P2RX3: variants seen among roughly 807,000 people sequenced by gnomAD.
P2RX3 encodes purinergic receptor P2X 3, also known as P2X purinoceptor 3.
In P2RX3, 41 loss-of-function variants were observed where a neutral mutation model predicts 51.5. That is an observed-to-expected ratio of 0.80 (90% CI 0.62 to 1.03). The LOEUF (loss-of-function observed/expected upper bound fraction) is 1.03, where lower values mean the gene tolerates loss of function less well. P2RX3 is among the 50% of genes least tolerant of loss of function. The pLI, the probability that P2RX3 is intolerant of heterozygous loss-of-function variation, is 0.00. For synonymous variants in P2RX3, 185 were observed against 191.6 expected (o/e 0.97, Z 0.29); for missense variants, 459 against 522.1 (o/e 0.88, Z 1.18).
At chr11:57,362,466 G>A (rs1856735583) in intron 8 of P2RX3, among the ~76,000 whole-genome samples, 1 of 152,182 alleles carries the variant, frequency 6.6e-6, no homozygotes, top group South Asian at 2.1e-4. Context: ...AGATGAGGAG[G>A]CTACAGGGTC....
At chr11:57,364,690 T>C (rs1409771456) in intron 8 of P2RX3, among the ~76,000 whole-genome samples, 1 of 152,204 alleles carries the variant, frequency 6.6e-6, no homozygotes, top group Non-Finnish European at 1.5e-5. Context: ...GTGTCCATCC[T>C]ATTATCCTCC....
At chr11:57,342,489 C>A (rs1856359482) in intron 1 of P2RX3, among the ~76,000 whole-genome samples, 1 of 151,948 alleles carries the variant, frequency 6.6e-6, no homozygotes, top group Non-Finnish European at 1.5e-5. Flanking sequence ...TCATCCTGGT[C>A]CAGAGAGAGG....
Position 57,349,882 on chromosome 11 carries a change from C to A in P2RX3, c.689C>A (p.Ala230Asp). ...GTCAAGTTTGCGGGGCAGGATTTTG[C>A]CAAACTGGCGCGCACGGTGAGGACC... Reference protein sequence around the residue: ...DVVKFAGQDFAKLARTGGVLG... With the variant: ...DVVKFAGQDFDKLARTGGVLG... The change falls in exon 7 of 12, where the codon GCC becomes GAC. Residue 230 changes from alanine (A) to aspartate (D), a missense_variant. Coordinates refer to ENST00000263314, the MANE Select transcript of P2RX3 (RefSeq NM_002559.5). 1 of 1,614,220 alleles carries A rather than the reference C, an allele frequency of 6.2e-7. No individual in the cohort carries two copies.
In P2RX3 at chr11:57,346,624, C is replaced by G. The variant is rs200984327; in HGVS notation, c.200C>G (p.Ser67Cys). 1 of 1,614,146 alleles carries G rather than the reference C, an allele frequency of 6.2e-7. No homozygotes were observed. Among genetic ancestry groups the G allele is most frequent in the Non-Finnish European group, 8.5e-7 (1 of 1,180,026 alleles). The change falls in exon 2 of 12, where the codon TCC (serine) becomes TGC (cysteine). Residue 67 changes from serine (S) to cysteine (C), a missense_variant. Transcript: ENST00000263314. ...TCGGTGGTAACCAAGGTGAAGGGCT[C>G]CGGACTCTACGCCAACAGAGTCATG... ...ESSVVTKVKG[S>C]GLYANRVMDV...
At chr11:57,338,110 T>G (rs1463115495), upstream of P2RX3, among the ~76,000 whole-genome samples, 1 of 152,148 alleles carries the variant, frequency 6.6e-6, no homozygotes, top group African/African-American at 2.4e-5. Context: ...GACTGGGGGA[T>G]GGGAAATTGC....
At chr11:57,343,434 A>G (rs184642105) in intron 1 of P2RX3, among the ~76,000 whole-genome samples, 1 of 152,346 alleles carries the variant, frequency 6.6e-6, no homozygotes, top group African/African-American at 2.4e-5. Flanking sequence ...ACACAGCTAG[A>G]GACCTTCGAG....
chr11:57,368,023 A>G lies in P2RX3; in HGVS notation c.857A>G (p.Tyr286Cys). 1 of 1,614,132 alleles carries G rather than the reference A, an allele frequency of 6.2e-7. No homozygotes were observed. The highest frequency in any genetic ancestry group is 8.5e-7 in the Non-Finnish European group (1 of 1,179,986). The change falls in exon 9 of 12, where the codon TAC (tyrosine) becomes TGC (cysteine). Residue 286 changes from tyrosine to cysteine, a missense_variant. Transcript: ENST00000263314. The part of the protein sequence containing the change: ...PGYNFRFAKY[Y>C]KMENGSEYRT... ...CTGACCTCCAGGTTTGCCAAGTACT[A>G]CAAAATGGAAAATGGCAGTGAGTAC...
At chr11:57,369,657 G>A (rs558630460) in intron 11 of P2RX3, among the ~76,000 whole-genome samples, 2 of 152,124 alleles carry the variant, frequency 1.3e-5, no homozygotes, top group South Asian at 2.1e-4. Flanking sequence ...TCCCCACCCC[G>A]TCACCTCCCC....
chr11:57,345,670 C>T (rs113889824), intron 1 of P2RX3, among the ~76,000 whole-genome samples: 6 of 152,018 alleles, frequency 3.9e-5, no homozygotes, highest in African/African-American at 7.2e-5. Context: ...AGCAGAGGCA[C>T]GAGTTGCCAG....
At chr11:57,343,739 A>G (rs1350869973) in intron 1 of P2RX3, among the ~76,000 whole-genome samples, 1 of 152,200 alleles carries the variant, frequency 6.6e-6, no homozygotes, top group Admixed American at 6.5e-5. Context: ...AAATATGTCT[A>G]TTCTGTGGCT....
intron 1 of P2RX3, among the ~76,000 whole-genome samples, chr11:57,344,287 A>ATGATAAATATGTGAGG (rs1856393876): frequency 6.6e-6 from 1 of 152,246 alleles, no homozygotes; most frequent in African/African-American, 2.4e-5. Context: ...TACTGAAAAA[A>ATGATAAATATGTGAGG]TGATAAATAT....
In P2RX3 at chr11:57,338,508, C is replaced by A; in HGVS notation, c.-43C>A. ...GTAGGACCTCCCTCTCCTGAGGCCACCACTGGGCCCCCTTCTGAGTGTCCC... is the reference window on the plus strand; with the variant it reads ...GTAGGACCTCCCTCTCCTGAGGCCAACACTGGGCCCCCTTCTGAGTGTCCC... On this transcript the variant is annotated 5_prime_UTR_variant, in exon 1 of 12. Transcript: ENST00000263314. 2 of 1,452,478 alleles carry A rather than the reference C, an allele frequency of 1.4e-6. No homozygotes were observed. The highest frequency in any genetic ancestry group is 9.6e-7 in the Non-Finnish European group (1 of 1,046,102). 90.0% of individuals were successfully genotyped at this position (1,452,478 alleles called of 1,614,324 possible).
intron 7 of P2RX3, 109 bp downstream of exon 7, chr11:57,350,007 C>G: frequency 6.7e-7 from 1 of 1,487,350 alleles, no homozygotes; most frequent in Middle Eastern, 2.4e-4. Flanking sequence ...CGAGACAGCG[C>G]CACCTGGTGG....
intron 8 of P2RX3, among the ~76,000 whole-genome samples, chr11:57,366,640 A>G (rs994368876): frequency 6.6e-6 from 1 of 152,130 alleles, no homozygotes; most frequent in Admixed American, 6.5e-5. Context: ...AAAATACCTG[A>G]ATCTGGGTAA....
chr11:57,353,766 G>T (rs922800412), intron 8 of P2RX3, among the ~76,000 whole-genome samples: 1 of 151,502 alleles, frequency 6.6e-6, no homozygotes, highest in African/African-American at 2.4e-5. Context: ...TGCTAACTAA[G>T]ACATCCAGAG....
intron 1 of P2RX3, among the ~76,000 whole-genome samples, chr11:57,344,972 C>A (rs1856405722): frequency 6.6e-6 from 1 of 152,164 alleles, no homozygotes; most frequent in South Asian, 2.1e-4. Flanking sequence ...TCATTCAGTC[C>A]AGCCTCCACC....
rs544634552 is a variant in P2RX3, at chr11:57,346,345, C to T, written c.120-199C>T. 9.8e-5 allele frequency among the ~76,000 whole-genome samples: 15 copies of T among 152,294 alleles called. No individual in the cohort carries two copies. In the South Asian group the frequency reaches 2.9e-3, roughly 29 times the overall value. ...AATGTCTAGAAAGGCACCTGAGGGG[C>T]AGTAATGGGACAAAAGGTGGAGAAA... On this transcript the variant is annotated intron_variant, in intron 1 of 11. Coordinates refer to ENST00000263314, the MANE Select transcript of P2RX3 (RefSeq NM_002559.5).
At chr11:57,366,421 T>A (rs544915957) in intron 8 of P2RX3, among the ~76,000 whole-genome samples, 3 of 152,262 alleles carry the variant, frequency 2.0e-5, no homozygotes, top group African/African-American at 7.2e-5. Flanking sequence ...GTCCCCGGCA[T>A]GGTTCATGGC....
At chr11:57,348,373 T>C in intron 5 of P2RX3, 110 bp downstream of exon 5, 2 of 1,071,700 alleles carry the variant, frequency 1.9e-6, no homozygotes, top group Non-Finnish European at 1.3e-6. Flanking sequence ...CTTTCTCCAG[T>C]GTTGTCCCTT....
Sources: allele counts gnomAD v4.1 joint callset (sites outside exome capture counted in the v4.1 genomes callset), GRCh38; gene constraint gnomAD v4.1.1; transcripts MANE v1.5; gene names NCBI Gene and HGNC (gene_info 2026-07-23, HGNC 2026-07-21).